Variants in SMURF2 observed in about 807,000 individuals in gnomAD.
The protein encoded by SMURF2 is E3 ubiquitin-protein ligase SMURF2.
Under a neutral mutation model 109.6 loss-of-function variants are expected in SMURF2, and 48 were observed. That is an observed-to-expected ratio of 0.44 (90% CI 0.35 to 0.56). The LOEUF (loss-of-function observed/expected upper bound fraction) is 0.56. Ranked by LOEUF, SMURF2 falls within the 20% of genes least tolerant of loss-of-function variation. SMURF2 has a pLI of 0.01. For synonymous variants in SMURF2, 288 were observed against 317.1 expected, an observed-to-expected ratio of 0.91 and a Z score of 0.97; for missense variants, 575 against 909.0, an observed-to-expected ratio of 0.63 and a Z score of 4.72.
chr17:64,619,976 T>C (rs1970180875), intron 1 of SMURF2, among the ~76,000 whole-genome samples: 1 of 152,204 alleles, frequency 6.6e-6, no homozygotes, highest in Non-Finnish European at 1.5e-5. Context: ...TACACCCATT[T>C]AGATTCCTCA....
chr17:64,583,432 A>T, intron 7 of SMURF2, 29 bp downstream of exon 7: 1 of 1,575,342 alleles, frequency 6.3e-7, no homozygotes, highest in Non-Finnish European at 8.7e-7. Flanking sequence ...GCTGGCATAG[A>T]TCATGAGAAA....
In SMURF2 at chr17:64,561,603, C is replaced by A; in HGVS notation, c.1213G>T (p.Glu405Ter). ...ATTTTCATGACCTGTCGATATGATT[C>A]CTGAAAAAAATAATTTTTAATACCC... Reference protein sequence around the residue: ...IEVSREEIFEESYRQVMKMRP... With the variant: ...IEVSREEIFE Residue 405 changes from glutamate to a stop codon, truncating the protein, a stop_gained and splice_region_variant, in exon 12 of 19, where the codon GAA (glutamate) becomes TAA (stop). Transcript: ENST00000262435. LOFTEE classifies it high-confidence loss of function. 6.2e-7 allele frequency: 1 copy of A among 1,607,366 alleles called. No individual in the cohort carries two copies. The highest frequency in any genetic ancestry group is 8.5e-7 in the Non-Finnish European group (1 of 1,177,270).
intron 2 of SMURF2, 93 bp downstream of exon 2, chr17:64,606,509 C>G: frequency 4.4e-6 from 4 of 901,024 alleles, no homozygotes; most frequent in Non-Finnish European, 6.8e-6. Flanking sequence ...GACAATACTT[C>G]TGAATAGAGA....
intron 10 of SMURF2, among the ~76,000 whole-genome samples, chr17:64,569,826 C>G (rs979115609): frequency 3.3e-5 from 5 of 152,178 alleles, no homozygotes; most frequent in African/African-American, 1.2e-4. Context: ...CATAGCAATT[C>G]CACAACCAGG....
In SMURF2 at chr17:64,547,484, TAAG is replaced by T. The variant is rs782719004; in HGVS notation, c.2071+113_2071+115del. 4.9e-5 allele frequency: 40 copies of T among 824,098 alleles called. No homozygotes were observed. Among genetic ancestry groups the T allele is most frequent in the Non-Finnish European group, 6.4e-5 (33 of 513,316 alleles). The allele number at this position is 824,098 out of a possible 1,614,324, so 51.0% of individuals were successfully genotyped here. A position where few individuals can be genotyped will look rare whatever the true frequency, so the allele number is the denominator to read the frequency against. ...GGTATCACAATGTGAGAGTCACAGATAAGAAGTGAAAAAGAGAATCTCTAAGCA... is the reference window on the plus strand; with the variant it reads ...GGTATCACAATGTGAGAGTCACAGATAAGTGAAAAAGAGAATCTCTAAGCA... On this transcript the variant is annotated intron_variant, in intron 17 of 18. Transcript: ENST00000262435. The surrounding 1 kb of genome is among the most constrained non-coding windows in gnomAD (Gnocchi z 4.2).
chr17:64,633,911 CT>C (rs1166663686), intron 1 of SMURF2, among the ~76,000 whole-genome samples: 2 of 152,092 alleles, frequency 1.3e-5, no homozygotes, highest in Non-Finnish European at 2.9e-5. Flanking sequence ...CATCCCAACA[CT>C]TTAGGAGGCC....
rs371709945 is a variant in SMURF2 at position 64,611,881 on chromosome 17, T to G, written c.53-5241A>C. Among the ~76,000 whole-genome samples, 40 of 152,250 alleles carry G rather than the reference T, an allele frequency of 2.6e-4. No individual in the cohort carries two copies. The East Asian group carries it at 7.4e-3, about 28-fold the overall frequency. On this transcript the variant is annotated intron_variant, in intron 1 of 18. Transcript: ENST00000262435. ...CTGCTCACCTCTCTGACCTCATTTTTCATCACCACAGCTCCCTTCCAGGCC... is the reference window on the plus strand; with the variant it reads ...CTGCTCACCTCTCTGACCTCATTTTGCATCACCACAGCTCCCTTCCAGGCC...
intron 12 of SMURF2, among the ~76,000 whole-genome samples, chr17:64,558,151 G>A (rs1204479675): frequency 6.6e-6 from 1 of 152,200 alleles, no homozygotes; most frequent in Non-Finnish European, 1.5e-5. Flanking sequence ...TGTAATCCCA[G>A]CACTTTGGGG....
chr17:64,579,289 C>CTT (rs554525743), intron 8 of SMURF2, among the ~76,000 whole-genome samples: 2 of 146,784 alleles, frequency 1.4e-5, no homozygotes, highest in African/African-American at 2.5e-5. Context: ...TTTGTTTTGT[C>CTT]TTTTTTTTTT....
intron 5 of SMURF2, among the ~76,000 whole-genome samples, chr17:64,586,750 C>CAAAAAAAAAAAAAAAAAAAAA (rs782490512): frequency 3.6e-5 from 1 of 27,468 alleles, no homozygotes; most frequent in African/African-American, 1.3e-4. Context: ...GACTCCGTCT[C>CAAAAAAAAAAAAAAAAAAAAA]AAAAAAAAAA....
At chr17:64,649,703 G>A (rs1045253648) in intron 1 of SMURF2, among the ~76,000 whole-genome samples, 10 of 151,936 alleles carry the variant, frequency 6.6e-5, no homozygotes, top group South Asian at 4.2e-4. Context: ...AATTAGCCAG[G>A]CATGGTGGTG....
intron 1 of SMURF2, among the ~76,000 whole-genome samples, chr17:64,633,806 C>G (rs1260428909): frequency 6.6e-6 from 1 of 151,792 alleles, no homozygotes; most frequent in East Asian, 1.9e-4. Flanking sequence ...CCCCCACCCC[C>G]CAAAAAAATG....
Position 64,576,873 on chromosome 17 carries a change from CTTTTTTTTTT to C in SMURF2, c.857+1609_857+1618del, listed in dbSNP as rs782057854. Among the ~76,000 whole-genome samples, 14 of 81,504 alleles carry C rather than the reference CTTTTTTTTTT, an allele frequency of 1.7e-4. No homozygotes were observed. The South Asian group carries it at 4.3e-3, about 25-fold the overall frequency. The allele number at this position is 81,504 out of a possible 152,430, so 53.5% of individuals were successfully genotyped here. A position where few individuals can be genotyped will look rare whatever the true frequency, so the allele number is the denominator to read the frequency against. On this transcript the variant is annotated intron_variant, in intron 9 of 18. Transcript: ENST00000262435. ...CCCAGGTCAATTTTCTTTTTCTATC[CTTTTTTTTTT>C]TTTTTTTTTTTTTTTTGAGACGGGT...
chr17:64,641,886 A>G (rs1598311600), intron 1 of SMURF2, among the ~76,000 whole-genome samples: 1 of 152,200 alleles, frequency 6.6e-6, no homozygotes, highest in East Asian at 1.9e-4. Context: ...GGCTCACTGC[A>G]ACCTCCACCT....
At chr17:64,577,096 A>G (rs1262006013) in intron 9 of SMURF2, among the ~76,000 whole-genome samples, 3 of 151,978 alleles carry the variant, frequency 2.0e-5, no homozygotes, top group African/African-American at 7.3e-5. Context: ...ATGCTGCTAT[A>G]AAGACACATG....
intron 1 of SMURF2, among the ~76,000 whole-genome samples, chr17:64,617,131 G>A (rs932202306): frequency 6.7e-6 from 1 of 148,988 alleles, no homozygotes; most frequent in Non-Finnish European, 1.5e-5. Flanking sequence ...GGTGACACAG[G>A]TTCACAAAAC....
rs543555512 is a variant in SMURF2, at chr17:64,555,765, A to AT, written c.1610+54dup. The AT allele has an allele frequency of 3.0e-3, 3,681 of 1,235,132 alleles. 6 individuals carry two copies. The highest frequency in any genetic ancestry group is 3.3e-3 in the Non-Finnish European group (2,939 of 902,526). The allele number at this position is 1,235,132 out of a possible 1,614,324, so 76.5% of individuals were successfully genotyped here. On this transcript the variant is annotated intron_variant, in intron 14 of 18. Coordinates refer to ENST00000262435, the MANE Select transcript of SMURF2 (RefSeq NM_022739.4). ...TTTAAGTACATCAGTTTTGAAACAT[A>AT]TTTTTTTTTAAAGCTCAGAGTTTAT...
At position 64,559,423 on chromosome 17, in the gene SMURF2, G is replaced by A. The variant is rs184678417; in HGVS notation, c.1317-1701C>T. On this transcript the variant is annotated intron_variant, in intron 12 of 18. Coordinates refer to ENST00000262435, the MANE Select transcript of SMURF2 (RefSeq NM_022739.4). ...AGCATGGCCAACATGGTGAAACCCCGTCTCTATTAAAAATACAAAAATTAG... is the reference window on the plus strand; with the variant it reads ...AGCATGGCCAACATGGTGAAACCCCATCTCTATTAAAAATACAAAAATTAG... 1.2e-4 allele frequency among the ~76,000 whole-genome samples: 18 copies of A among 151,842 alleles called. 2 individuals carry two copies. The highest frequency in any genetic ancestry group is 9.2e-4 in the Admixed American group (14 of 15,244).
chr17:64,584,781 A>G (rs1969630195), intron 6 of SMURF2, among the ~76,000 whole-genome samples: 1 of 152,206 alleles, frequency 6.6e-6, no homozygotes, highest in African/African-American at 2.4e-5. Flanking sequence ...AGGGCTCTAA[A>G]AGACAGAAAA....
Sources: gnomAD v4.1 joint callset for allele counts (sites outside exome capture counted in the v4.1 genomes callset) on GRCh38, gnomAD v4.1.1 for gene constraint, Gnocchi (gnomAD v3.1) non-coding constraint, MANE v1.5 for transcripts, NCBI Gene and HGNC (gene_info 2026-07-23, HGNC 2026-07-21) for gene names.